The following LCN10 variants were observed in gnomAD, a reference collection of about 807,000 sequenced individuals.
LCN10 encodes lipocalin 10.
LCN10 carries 18 observed loss-of-function variants against 25.1 expected under a neutral mutation model. The ratio of observed to expected loss-of-function variants is 0.72; its 90% CI spans 0.50 to 1.06. The LOEUF (loss-of-function observed/expected upper bound fraction) is 1.06, where lower values mean the gene tolerates loss of function less well. Ranked by LOEUF, LCN10 falls within the 50% of genes least tolerant of loss-of-function variation. LCN10 has a pLI of 0.00. For synonymous variants in LCN10, 130 were observed against 116.7 expected (o/e 1.11, Z -0.73); for missense variants, 257 against 258.9 (o/e 0.99, Z 0.05).
chr9:136,742,758 G>A (rs760450120), intron 1 of LCN10, 29 bp downstream of exon 1: 24 of 1,610,918 alleles, frequency 1.5e-5, no homozygotes, highest in African/African-American at 2.7e-5. Flanking sequence ...GCCGGCGCCC[G>A]GCTCAGGGAC....
Position 136,739,463 on chromosome 9 carries a change from A to G in LCN10, c.*62T>C, listed in dbSNP as rs1017669162. 5 of 1,544,966 alleles carry G rather than the reference A, an allele frequency of 3.2e-6. No individual in the cohort carries two copies. Among genetic ancestry groups the G allele is most frequent in the African/African-American group, 2.7e-5 (2 of 73,162 alleles). ...CCGTGGTCTCCACTTGACATCTGGA[A>G]CAACGCTCCTCGGGTCTGGGAGGAC... On this transcript the variant is annotated 3_prime_UTR_variant, in exon 6 of 6. Transcript: ENST00000497771. The surrounding 1 kb of genome is among the most constrained non-coding windows in gnomAD (Gnocchi z 6.1).
Position 136,740,808 on chromosome 9 carries a change from T to C in LCN10, c.475+28A>G. 1 of 1,515,572 alleles carries C rather than the reference T, an allele frequency of 6.6e-7. No homozygotes were observed. Among genetic ancestry groups the C allele is most frequent in the Non-Finnish European group, 9.0e-7 (1 of 1,115,344 alleles). The allele number at this position is 1,515,572 out of a possible 1,614,324, so 93.9% of individuals were successfully genotyped here. A position where few individuals can be genotyped will look rare whatever the true frequency, so the allele number is the denominator to read the frequency against. ...GCCTCCCTCTGCACCCCCTCCACCA[T>C]CCTCTGCCATCCGCTGTGCCTGCTC... is the stretch of plus-strand genomic sequence containing the variant. On this transcript the variant is annotated intron_variant, in intron 4 of 5. Coordinates refer to ENST00000497771, the MANE Select transcript of LCN10 (RefSeq NM_001001712.3). The surrounding 1 kb of genome is among the most constrained non-coding windows in gnomAD (Gnocchi z 5.3).
intron 1 of LCN10, chr9:136,742,543 C>A: frequency 3.5e-6 from 2 of 567,660 alleles, no homozygotes; most frequent in South Asian, 4.7e-5. Flanking sequence ...GCTCTCTGGG[C>A]CCCTCCACCC....
chr9:136,740,747 C>CTCGTGGG lies in LCN10; in HGVS notation c.475+88_475+89insCCCACGA. ...CCCCCACTCTCCCTGCCCGCCTCAC[C>CTCGTGGG]TCCTGCCCGGCCCCCTGTGCCCAGC... On this transcript the variant is annotated intron_variant, in intron 4 of 5. Coordinates refer to ENST00000497771, the MANE Select transcript of LCN10 (RefSeq NM_001001712.3). The surrounding 1 kb of genome is among the most constrained non-coding windows in gnomAD (Gnocchi z 5.3). The CTCGTGGG allele has an allele frequency of 1.0e-6, 1 of 1,003,600 alleles. No individual in the cohort carries two copies. The highest frequency in any genetic ancestry group is 1.5e-6 in the Non-Finnish European group (1 of 683,040). The allele number at this position is 1,003,600 out of a possible 1,614,324, so 62.2% of individuals were successfully genotyped here.
At chr9:136,741,133 AAC>A in intron 3 of LCN10, 117 bp downstream of exon 3, 1 of 1,065,508 alleles carries the variant, frequency 9.4e-7, no homozygotes, top group Non-Finnish European at 1.4e-6. Flanking sequence ...GGGCTCTGGG[AAC>A]ACAGCCAGCC....
chr9:136,742,300 C>G, intron 1 of LCN10: 1 of 482,218 alleles, frequency 2.1e-6, no homozygotes, highest in Non-Finnish European at 3.7e-6. Context: ...GCCCCGGCTC[C>G]TTCCCACATG....
In LCN10 at chr9:136,742,029, C is replaced by G. The variant is rs556833003; in HGVS notation, c.118-9G>C. 6.2e-7 allele frequency: 1 copy of G among 1,612,470 alleles called. No homozygotes were observed. Among genetic ancestry groups the G allele is most frequent in the African/African-American group, 1.3e-5 (1 of 75,068 alleles). Reference sequence around the variant, plus strand: ...TACCAGAACCCTGAAAACTGCGCAGCGGATGTGTGGGCGGGGACAGGAGCT... The same window carrying G: ...TACCAGAACCCTGAAAACTGCGCAGGGGATGTGTGGGCGGGGACAGGAGCT... On this transcript the variant is annotated splice_polypyrimidine_tract_variant and intron_variant, in intron 1 of 5. Coordinates refer to ENST00000497771, the MANE Select transcript of LCN10 (RefSeq NM_001001712.3).
At chr9:136,742,743 C>G (rs1403886193) in intron 1 of LCN10, 44 bp downstream of exon 1, 2 of 1,608,258 alleles carry the variant, frequency 1.2e-6, no homozygotes, top group Non-Finnish European at 1.7e-6. Flanking sequence ...TGCTCCAGCT[C>G]CAGAGCCGGC....
In LCN10 at chr9:136,739,905, G is replaced by A. The variant is rs1408012906; in HGVS notation, c.574+45C>T. On this transcript the variant is annotated intron_variant, in intron 5 of 5. Transcript: ENST00000497771. The surrounding 1 kb of genome is among the most constrained non-coding windows in gnomAD (Gnocchi z 6.1). Reference sequence around the variant, plus strand: ...CAATGAATCAGCTCCCCAATGGGACGGGCAGGTAGGGCCAGGAGGGCAAAG... The same window carrying A: ...CAATGAATCAGCTCCCCAATGGGACAGGCAGGTAGGGCCAGGAGGGCAAAG... 1.5e-5 allele frequency: 21 copies of A among 1,402,954 alleles called. No individual in the cohort carries two copies. The highest frequency in any genetic ancestry group is 1.2e-4 in the Admixed American group (6 of 51,166). The allele number at this position is 1,402,954 out of a possible 1,614,324, so 86.9% of individuals were successfully genotyped here. A position where few individuals can be genotyped will look rare whatever the true frequency, so the allele number is the denominator to read the frequency against.
At chr9:136,741,599 C>T in intron 2 of LCN10, 1 of 607,640 alleles carries the variant, frequency 1.6e-6, no homozygotes. Context: ...AGAGAAACTC[C>T]CAACACCCAC....
At position 136,740,041 on chromosome 9, in the gene LCN10, C is replaced by G. The variant is rs1248786311; in HGVS notation, c.483G>C (p.Gln161His). The stretch of plus-strand genomic sequence containing the variant: ...TCAGACTCTGGAAGCTCGAAACATT[C>G]TGCCTATCTGAGGTTGAGATCAGGA... The part of the protein sequence containing the change: ...NYKNLLLFHR[Q>H]NVSSFQSLKE... The change falls in exon 5 of 6, where the codon CAG becomes CAC. Residue 161 changes from glutamine (Q) to histidine (H), a missense_variant. Gln to His is a conservative substitution (Grantham distance 24, BLOSUM62 0). Coordinates refer to ENST00000497771, the MANE Select transcript of LCN10 (RefSeq NM_001001712.3). The surrounding 1 kb of genome is among the most constrained non-coding windows in gnomAD (Gnocchi z 5.3). The G allele has an allele frequency of 6.4e-7, 1 of 1,569,512 alleles. No homozygotes were observed. The highest frequency in any genetic ancestry group is 8.6e-7 in the Non-Finnish European group (1 of 1,156,076).
intron 1 of LCN10, 43 bp from the exon 2 acceptor site, chr9:136,742,063 G>T: frequency 6.2e-7 from 1 of 1,607,480 alleles, no homozygotes; most frequent in East Asian, 2.2e-5. Context: ...CTGCCACCGG[G>T]GGCTGTCCCC....
Position 136,742,852 on chromosome 9 carries a change from G to A in LCN10, c.52C>T (p.Leu18=). 6.2e-7 allele frequency: 1 copy of A among 1,613,636 alleles called. No homozygotes were observed. The highest frequency in any genetic ancestry group is 2.2e-5 in the East Asian group (1 of 44,882). Reference sequence around the variant, plus strand: ...TCCTGCACCTGGGACCCTGCAGCCAGCACTAGCACCAGCACCAGCACCAGC... The same window carrying A: ...TCCTGCACCTGGGACCCTGCAGCCAACACTAGCACCAGCACCAGCACCAGC... ...LALVLVLVLV[L]AAGSQVQEWY... The change falls in exon 1 of 6, where the codon CTG becomes TTG. Residue 18 remains leucine, a synonymous_variant. Transcript: ENST00000497771.
chr9:136,740,101 G>A lies in LCN10; in HGVS notation c.476-53C>T, dbSNP rs1410147598. On this transcript the variant is annotated intron_variant, in intron 4 of 5. Transcript: ENST00000497771. This position sits in a 1 kb window ranked among gnomAD's most constrained non-coding sequence, Gnocchi z 5.3. ...AGACTCCAGCTCTGGCCATTTTAGG[G>A]TCTGCACCCTGACCCCCATCCCTAC... is the stretch of plus-strand genomic sequence containing the variant. 8.3e-7 allele frequency: 1 copy of A among 1,208,470 alleles called. No individual in the cohort carries two copies. Among genetic ancestry groups the A allele is most frequent in the African/African-American group, 1.5e-5 (1 of 66,382 alleles). The allele number at this position is 1,208,470 out of a possible 1,614,324, so 74.9% of individuals were successfully genotyped here. A position where few individuals can be genotyped will look rare whatever the true frequency, so the allele number is the denominator to read the frequency against.
In LCN10 at chr9:136,739,820, C is replaced by T. The variant is rs532034882; in HGVS notation, c.574+130G>A. On this transcript the variant is annotated intron_variant, in intron 5 of 5. Transcript: ENST00000497771. This position sits in a 1 kb window ranked among gnomAD's most constrained non-coding sequence, Gnocchi z 6.1. The stretch of plus-strand genomic sequence containing the variant: ...CAGGGGCGGCAGGAGGTGGGAGGCA[C>T]GTTTGGGCGGATCTTTCAAATGGCA... The T allele has an allele frequency of 1.9e-5, 17 of 897,644 alleles. No homozygotes were observed. Among genetic ancestry groups the T allele is most frequent in the East Asian group, 5.3e-5 (2 of 37,682 alleles). The allele number at this position is 897,644 out of a possible 1,614,324, so 55.6% of individuals were successfully genotyped here. A position where few individuals can be genotyped will look rare whatever the true frequency, so the allele number is the denominator to read the frequency against.
chr9:136,740,747 C>G lies in LCN10; in HGVS notation c.475+89G>C. 1.0e-6 allele frequency: 1 copy of G among 1,003,600 alleles called. No individual in the cohort carries two copies. The highest frequency in any genetic ancestry group is 1.5e-6 in the Non-Finnish European group (1 of 683,040). 62.2% of individuals were successfully genotyped at this position (1,003,600 alleles called of 1,614,324 possible). A position where few individuals can be genotyped will look rare whatever the true frequency, so the allele number is the denominator to read the frequency against. On this transcript the variant is annotated intron_variant, in intron 4 of 5. Coordinates refer to ENST00000497771, the MANE Select transcript of LCN10 (RefSeq NM_001001712.3). This position sits in a 1 kb window ranked among gnomAD's most constrained non-coding sequence, Gnocchi z 5.3. ...CCCCCACTCTCCCTGCCCGCCTCAC[C>G]TCCTGCCCGGCCCCCTGTGCCCAGC...
In LCN10 at chr9:136,740,568, A is replaced by G. The variant is rs949833095; in HGVS notation, c.475+268T>C. On this transcript the variant is annotated intron_variant, in intron 4 of 5. Transcript: ENST00000497771. This position sits in a 1 kb window ranked among gnomAD's most constrained non-coding sequence, Gnocchi z 5.3. Reference sequence around the variant, plus strand: ...CCCTCACCCAGAACGTTGCACCTGCACCCGCCACCATCCTGGTGGCCTCCG... The same window carrying G: ...CCCTCACCCAGAACGTTGCACCTGCGCCCGCCACCATCCTGGTGGCCTCCG... 6 of 517,648 alleles carry G rather than the reference A, an allele frequency of 1.2e-5. No homozygotes were observed. The highest frequency in any genetic ancestry group is 2.1e-5 in the Non-Finnish European group (6 of 289,814). 32.1% of individuals were successfully genotyped at this position (517,648 alleles called of 1,614,324 possible). A position where few individuals can be genotyped will look rare whatever the true frequency, so the allele number is the denominator to read the frequency against.
intron 1 of LCN10, 21 bp from the exon 2 acceptor site, chr9:136,742,041 CG>C: frequency 6.2e-7 from 1 of 1,611,550 alleles, no homozygotes; most frequent in Non-Finnish European, 8.5e-7. Context: ...GATGTGTGGG[CG>C]GGGACAGGAG....
chr9:136,741,240 G>C lies in LCN10; in HGVS notation c.367+12C>G. 3 of 1,610,794 alleles carry C rather than the reference G, an allele frequency of 1.9e-6. No individual in the cohort carries two copies. Among genetic ancestry groups the C allele is most frequent in the Non-Finnish European group, 2.5e-6 (3 of 1,177,520 alleles). On this transcript the variant is annotated intron_variant, in intron 3 of 5. Transcript: ENST00000497771. The stretch of plus-strand genomic sequence containing the variant: ...TCACGCAGCTCCTCCAGGGCCCAGA[G>C]CCCAAGCACACCTCCCTCCTGTCCT...
Sources: gnomAD v4.1 joint callset for allele counts on GRCh38, gnomAD v4.1.1 for gene constraint, Gnocchi (gnomAD v3.1) non-coding constraint, MANE v1.5 for transcripts, NCBI Gene and HGNC (gene_info 2026-07-23, HGNC 2026-07-21) for gene names.